The following AUTS2 variants were observed in gnomAD, a reference collection of about 807,000 sequenced individuals.
AUTS2 encodes activator of transcription and developmental regulator AUTS2.
Under a neutral mutation model 112.4 loss-of-function variants are expected in AUTS2, and 17 were observed. That is an observed-to-expected ratio of 0.15 (90% CI 0.10 to 0.23). The LOEUF is 0.23. Ranked by LOEUF, AUTS2 falls within the 10% of genes least tolerant of loss-of-function variation. AUTS2 has a pLI of 1.00. For missense variants in AUTS2, 1,510 were observed against 1,701.6 expected (o/e 0.89, Z 1.98); for synonymous variants, 751 against 702.7 (o/e 1.07, Z -1.09).
At chr7:70,390,696 T>C (rs549612047) in intron 4 of AUTS2, among the ~76,000 whole-genome samples, 1 of 152,182 alleles carries the variant, frequency 6.6e-6, no homozygotes, top group Admixed American at 6.5e-5. Flanking sequence ...TCAACTGCTA[T>C]GCTAAGAAGG....
chr7:69,600,007 C>T (rs1458349519), intron 1 of AUTS2, 45 bp downstream of exon 1: 5 of 1,601,144 alleles, frequency 3.1e-6, no homozygotes, highest in Non-Finnish European at 4.3e-6. Context: ...ATGCACGACC[C>T]CACTCGGCTG....
chr7:70,039,765 A>G (rs137976070), intron 2 of AUTS2, among the ~76,000 whole-genome samples: 16 of 152,316 alleles, frequency 1.1e-4, no homozygotes, highest in East Asian at 7.7e-4. Flanking sequence ...AATTTGTTGT[A>G]TATTTCACAT....
At chr7:69,714,247 ATATGTG>A (rs1336104502) in intron 1 of AUTS2, among the ~76,000 whole-genome samples, 690 of 42,268 alleles carry the variant, frequency 0.016, 9 homozygotes, top group East Asian at 0.069. Flanking sequence ...ATGTGTGTGT[ATATGTG>A]TGTGTGTGTG....
intron 4 of AUTS2, among the ~76,000 whole-genome samples, chr7:70,248,852 A>G (rs1813065318): frequency 6.6e-6 from 1 of 152,170 alleles, no homozygotes; most frequent in Non-Finnish European, 1.5e-5. Context: ...GTTTGTTATC[A>G]TTTACCTTAA....
chr7:70,293,576 A>G (rs1286900593), intron 4 of AUTS2: 1 of 152,102 alleles, frequency 6.6e-6, no homozygotes, highest in Non-Finnish European at 1.5e-5. Context: ...ACATTGGTAT[A>G]AAAGGGATAT....
chr7:70,285,870 T>C (rs544164691), intron 4 of AUTS2, among the ~76,000 whole-genome samples: 42 of 152,212 alleles, frequency 2.8e-4, no homozygotes, highest in Non-Finnish European at 5.3e-4. Flanking sequence ...GCCCTCCTAA[T>C]GCTTACATCC....
chr7:70,712,191 CACTT>C (rs1563145070), intron 6 of AUTS2, among the ~76,000 whole-genome samples: 35 of 113,114 alleles, frequency 3.1e-4, no homozygotes, highest in African/African-American at 1.2e-3. Context: ...ATGCCTGGCT[CACTT>C]TTTTTTTTTT....
intron 5 of AUTS2, among the ~76,000 whole-genome samples, chr7:70,611,211 A>G (rs971450315): frequency 6.6e-6 from 1 of 152,154 alleles, no homozygotes; most frequent in Admixed American, 6.5e-5. Context: ...TCCCAATACT[A>G]TGTATTGAGG....
At chr7:70,444,885 T>A (rs2130976778) in intron 5 of AUTS2, among the ~76,000 whole-genome samples, 1 of 152,298 alleles carries the variant, frequency 6.6e-6, no homozygotes, top group Admixed American at 6.5e-5. Flanking sequence ...GGCTTCATCT[T>A]TTCTTTCTAG....
intron 4 of AUTS2, among the ~76,000 whole-genome samples, chr7:70,377,096 T>C (rs1793122886): frequency 6.6e-6 from 1 of 151,788 alleles, no homozygotes; most frequent in South Asian, 2.1e-4. Flanking sequence ...CTTTTTACTG[T>C]GTTTTCTAAC....
chr7:70,032,683 A>G (rs927742402), intron 2 of AUTS2, among the ~76,000 whole-genome samples: 6 of 152,132 alleles, frequency 3.9e-5, no homozygotes, highest in African/African-American at 1.4e-4. Flanking sequence ...GGATATGAGT[A>G]CTTTGTGAGG....
Position 70,790,329 on chromosome 7 carries a change from G to A in AUTS2, c.3113G>A (p.Ser1038Asn). The A allele has an allele frequency of 6.2e-7, 1 of 1,613,800 alleles. No individual in the cohort carries two copies. Among genetic ancestry groups the A allele is most frequent in the Non-Finnish European group, 8.5e-7 (1 of 1,180,024 alleles). Residue 1038 changes from serine to asparagine, a missense_variant, in exon 19 of 19, where the codon AGC becomes AAC. Ser to Asn is a conservative substitution (Grantham distance 46). Around this residue, in one of 3 missense-constraint regions of AUTS2, gnomAD observed 788 missense variants for 797.6 expected, o/e 0.99. Transcript: ENST00000342771. This position sits in a 1 kb window ranked among gnomAD's most constrained non-coding sequence, Gnocchi z 7.6. ...GGCATTCACCCCATGAACAGCATCA[G>A]CAGCCTGGACAGGACTCGCATGATG... The part of the protein sequence containing the change: ...VTGIHPMNSI[S>N]SLDRTRMMTP...
chr7:69,636,166 G>A (rs1186055056), intron 1 of AUTS2, among the ~76,000 whole-genome samples: 1 of 152,222 alleles, frequency 6.6e-6, no homozygotes, highest in African/African-American at 2.4e-5. Flanking sequence ...GAGGACAAAA[G>A]CCACATAGGT....
intron 1 of AUTS2, among the ~76,000 whole-genome samples, chr7:69,790,367 A>T (rs1789560546): frequency 6.6e-6 from 1 of 152,226 alleles, no homozygotes; most frequent in Non-Finnish European, 1.5e-5. Context: ...TTCTGTGAAT[A>T]CACATTATGG....
intron 4 of AUTS2, among the ~76,000 whole-genome samples, chr7:70,300,811 A>T (rs1789178284): frequency 5.9e-5 from 9 of 152,200 alleles, no homozygotes; most frequent in Admixed American, 5.9e-4. Flanking sequence ...GGATGTAGAC[A>T]CATAATGTTC....
At chr7:70,414,192 C>T (rs976470377) in intron 4 of AUTS2, among the ~76,000 whole-genome samples, 6 of 152,200 alleles carry the variant, frequency 3.9e-5, no homozygotes, top group African/African-American at 4.8e-5. Context: ...AGGCTGTCAG[C>T]GCCTGTTACC....
intron 2 of AUTS2, among the ~76,000 whole-genome samples, chr7:69,936,220 TC>T (rs1796403933): frequency 6.6e-6 from 1 of 152,064 alleles, no homozygotes; most frequent in East Asian, 1.9e-4. Flanking sequence ...CTAAAGTTTT[TC>T]CTCCAAAGCT....
chr7:70,297,035 A>G (rs1206312120), intron 4 of AUTS2, among the ~76,000 whole-genome samples: 1 of 145,654 alleles, frequency 6.9e-6, no homozygotes, highest in African/African-American at 2.5e-5. Context: ...CAATTTATAG[A>G]GACAAGGTCT....
intron 4 of AUTS2, among the ~76,000 whole-genome samples, chr7:70,185,257 C>CTTTTTTTTTTTTTTTTTTTTTTTTTTTTT (rs35215443): frequency 2.3e-5 from 2 of 87,118 alleles, no homozygotes; most frequent in African/African-American, 4.6e-5. Context: ...TGACATTAAA[C>CTTTTTTTTTTTTTTTTTTTTTTTTTTTTT]TTTTTTTTTT....
Sources: allele counts gnomAD v4.1 joint callset (sites outside exome capture counted in the v4.1 genomes callset), GRCh38; gene constraint gnomAD v4.1.1; regional missense constraint gnomAD v4.1.1; non-coding constraint Gnocchi (gnomAD v3.1); transcripts MANE v1.5; gene names NCBI Gene and HGNC (gene_info 2026-07-23, HGNC 2026-07-21).